MYO1H: variants seen among roughly 807,000 people sequenced by gnomAD.
MYO1H encodes the protein myosin IH.
Under a neutral mutation model 149.3 loss-of-function variants are expected in MYO1H, and 118 were observed. The ratio of observed to expected loss-of-function variants is 0.79; its 90% CI spans 0.68 to 0.92. MYO1H has a LOEUF of 0.92. Ranked by LOEUF, MYO1H falls within the 40% of genes least tolerant of loss-of-function variation. The probability of loss-of-function intolerance (pLI) is 0.00; values close to 1 mark genes in which losing one functional copy is unlikely to be tolerated. For synonymous variants in MYO1H, 447 were observed against 465.2 expected (o/e 0.96, Z 0.50); for missense variants, 1,212 against 1,280.7 (o/e 0.95, Z 0.82).
intron 1 of MYO1H, among the ~76,000 whole-genome samples, chr12:109,360,023 C>A (rs1261170885): frequency 6.6e-6 from 1 of 152,196 alleles, no homozygotes; most frequent in East Asian, 1.9e-4. Flanking sequence ...TTACAAGATT[C>A]TTGGAGCCTA....
chr12:109,337,517 C>T, the MYO1H span, among the ~76,000 whole-genome samples: 1 of 152,120 alleles, frequency 6.6e-6, no homozygotes, highest in African/African-American at 2.4e-5. Flanking sequence ...GAAGGGGAAG[C>T]AAGACACGTC....
At chr12:109,398,203 G>A (rs1476706675) in intron 5 of MYO1H, among the ~76,000 whole-genome samples, 4 of 151,662 alleles carry the variant, frequency 2.6e-5, no homozygotes, top group Non-Finnish European at 5.9e-5. Context: ...CAGAGATATC[G>A]CTACAGATGC....
the MYO1H span, among the ~76,000 whole-genome samples, chr12:109,328,130 A>G: frequency 6.8e-6 from 1 of 147,756 alleles, no homozygotes; most frequent in African/African-American, 2.5e-5. Context: ...CATAACACAC[A>G]CACACACACG....
chr12:109,362,245 A>T (rs971720261), intron 1 of MYO1H, among the ~76,000 whole-genome samples: 2 of 152,126 alleles, frequency 1.3e-5, no homozygotes, highest in Non-Finnish European at 2.9e-5. Context: ...AGAAGGCAGG[A>T]CTCCGTTAAC....
intron 1 of MYO1H, among the ~76,000 whole-genome samples, chr12:109,364,678 A>G (rs758826044): frequency 6.6e-6 from 1 of 152,234 alleles, no homozygotes; most frequent in Non-Finnish European, 1.5e-5. Flanking sequence ...GTAAATCACC[A>G]TTTTAGATAA....
At chr12:109,352,332 G>A (rs562498252) in intron 1 of MYO1H, among the ~76,000 whole-genome samples, 1 of 152,188 alleles carries the variant, frequency 6.6e-6, no homozygotes, top group African/African-American at 2.4e-5. Flanking sequence ...GCATTTCTTC[G>A]TGTGCATGAG....
At chr12:109,397,686 C>T (rs371376269) in intron 4 of MYO1H, 46 bp from the exon 5 acceptor site, 17 of 1,492,186 alleles carry the variant, frequency 1.1e-5, no homozygotes, top group African/African-American at 2.8e-5. Flanking sequence ...GAATTTGATA[C>T]GCATGGTGAG....
At chr12:109,388,249 CATTT>C (rs5800857) in intron 1 of MYO1H, among the ~76,000 whole-genome samples, 8,875 of 152,040 alleles carry the variant, frequency 0.058, 844 homozygotes, top group African/African-American at 0.2. Context: ...TTAAAAAAAA[CATTT>C]ATTGAGTCCA....
intron 4 of MYO1H, among the ~76,000 whole-genome samples, chr12:109,397,168 AAC>A (rs2137044636): frequency 6.6e-6 from 1 of 152,154 alleles, no homozygotes; most frequent in East Asian, 1.9e-4. Context: ...ATGCACAAAA[AAC>A]ACACAGCAGA....
intron 1 of MYO1H, chr12:109,357,125 C>T (rs1051756365): frequency 3.5e-5 from 5 of 144,416 alleles, no homozygotes; most frequent in African/African-American, 1.3e-4. Context: ...TATGAGGAAA[C>T]TACTACCTGC....
rs113350684 is a variant in MYO1H, at chr12:109,409,141, G to C, written c.1156-416G>C. On this transcript the variant is annotated intron_variant, in intron 10 of 31. Coordinates refer to ENST00000310903, the Ensembl canonical transcript of MYO1H. ...ACCCACCCTGGCCTGAGGGTACTTGGTCCTCTTACTTGGATAGGCATCTTC... is the reference window on the plus strand; with the variant it reads ...ACCCACCCTGGCCTGAGGGTACTTGCTCCTCTTACTTGGATAGGCATCTTC... Among the ~76,000 whole-genome samples the C allele has an allele frequency of 2.7e-3, 410 of 151,324 alleles. 3 individuals are homozygous for C. The highest frequency in any genetic ancestry group is 9.6e-3 in the African/African-American group (394 of 41,148).
chr12:109,379,128 C>T (rs1031084739), intron 1 of MYO1H, among the ~76,000 whole-genome samples: 7 of 152,198 alleles, frequency 4.6e-5, no homozygotes, highest in African/African-American at 1.7e-4. Flanking sequence ...CTCAGCCTCA[C>T]CACATTTCAA....
intron 1 of MYO1H, among the ~76,000 whole-genome samples, chr12:109,366,887 CT>C (rs1868876689): frequency 6.6e-6 from 1 of 152,174 alleles, no homozygotes; most frequent in South Asian, 2.1e-4. Context: ...AAATCCGAAA[CT>C]TTATGAGTGC....
chr12:109,420,280 A>G (rs1477901787), intron 15 of MYO1H, among the ~76,000 whole-genome samples: 1 of 152,196 alleles, frequency 6.6e-6, no homozygotes, highest in Non-Finnish European at 1.5e-5. Context: ...CTGGTTCTCA[A>G]TGAGGGACAT....
At chr12:109,414,444 T>C (rs1592804013) in intron 14 of MYO1H, among the ~76,000 whole-genome samples, 1 of 120,484 alleles carries the variant, frequency 8.3e-6, no homozygotes. Flanking sequence ...ACCACTGCAC[T>C]CCCGCCTGGG....
At chr12:109,342,038 A>T in the MYO1H span, among the ~76,000 whole-genome samples, 1 of 152,000 alleles carries the variant, frequency 6.6e-6, no homozygotes, top group Non-Finnish European at 1.5e-5. Flanking sequence ...TTCAGAAATG[A>T]TCAAAGCATT....
At chr12:109,351,201 T>C (rs1868454692) in intron 1 of MYO1H, among the ~76,000 whole-genome samples, 1 of 152,172 alleles carries the variant, frequency 6.6e-6, no homozygotes, top group African/African-American at 2.4e-5. Flanking sequence ...TATTTTTAAT[T>C]TTGCAACTGA....
chr12:109,429,969 G>A (rs1261197928), intron 19 of MYO1H, among the ~76,000 whole-genome samples: 2 of 152,234 alleles, frequency 1.3e-5, no homozygotes, highest in African/African-American at 2.4e-5. Context: ...CCTTCTCGCT[G>A]TGTCTTCACA....
intron 18 of MYO1H, among the ~76,000 whole-genome samples, chr12:109,426,479 CTG>C (rs1018952231): frequency 1.3e-5 from 2 of 152,010 alleles, no homozygotes; most frequent in Non-Finnish European, 2.9e-5. Context: ...TGAGCCATGA[CTG>C]TGCCACTGCA....
Sources: allele counts gnomAD v4.1 joint callset (sites outside exome capture counted in the v4.1 genomes callset), GRCh38; gene constraint gnomAD v4.1.1; transcripts MANE v1.5; gene names NCBI Gene and HGNC (gene_info 2026-07-23, HGNC 2026-07-21).